The following FOXJ3 variants were observed in gnomAD, a reference collection of about 807,000 sequenced individuals.
FOXJ3 encodes forkhead box protein J3.
A neutral mutation model predicts 76.1 loss-of-function variants in FOXJ3; 22 were observed. The observed-to-expected ratio is 0.29, with a 90% CI of 0.21 to 0.41. The LOEUF is 0.41. Among genes scored for constraint, FOXJ3 ranks in the 10% least tolerant of loss-of-function variants. FOXJ3 has a pLI of 1.00. For missense variants in FOXJ3, 613 were observed against 762.1 expected, an observed-to-expected ratio of 0.80 and a Z score of 2.30; for synonymous variants, 269 against 261.2, an observed-to-expected ratio of 1.03 and a Z score of -0.29.
At chr1:42,289,307 T>G (rs1169429400) in intron 2 of FOXJ3, among the ~76,000 whole-genome samples, 1 of 152,058 alleles carries the variant, frequency 6.6e-6, no homozygotes, top group Non-Finnish European at 1.5e-5. Context: ...GCTTAAATTC[T>G]TACTCTCCCA....
chr1:42,334,086 T>A (rs975997391), intron 1 of FOXJ3: 1 of 896,548 alleles, frequency 1.1e-6, no homozygotes, highest in Non-Finnish European at 1.3e-6. Flanking sequence ...AGTAAAACCT[T>A]TGCTAACCAG....
intron 1 of FOXJ3, among the ~76,000 whole-genome samples, chr1:42,312,085 T>C (rs1302286973): frequency 1.3e-5 from 2 of 152,194 alleles, no homozygotes; most frequent in African/African-American, 4.8e-5. Context: ...GCAAGTTCAG[T>C]CTGAAGGGAT....
rs1176201564 is a variant in FOXJ3 at position 42,319,369 on chromosome 1, C to T, written c.-17-8259G>A. Among the ~76,000 whole-genome samples the T allele has an allele frequency of 2.0e-5, 3 of 152,150 alleles. No homozygotes were observed. The East Asian group carries it at 5.8e-4, about 29-fold the overall frequency. ...TTACAACATGTATAACCCTTAACAACATTATGCTAAGTGAAAGAAACCAGT... is the reference window on the plus strand; with the variant it reads ...TTACAACATGTATAACCCTTAACAATATTATGCTAAGTGAAAGAAACCAGT... On this transcript the variant is annotated intron_variant, in intron 1 of 12. Transcript: ENST00000361346.
At chr1:42,274,378 T>C (rs939267638) in intron 3 of FOXJ3, among the ~76,000 whole-genome samples, 4 of 152,176 alleles carry the variant, frequency 2.6e-5, no homozygotes, top group Admixed American at 6.5e-5. Context: ...AGTCAGCCAG[T>C]TGAGGGGAGT....
intron 4 of FOXJ3, among the ~76,000 whole-genome samples, chr1:42,261,493 AG>A (rs1427630073): frequency 1.3e-5 from 2 of 152,304 alleles, no homozygotes; most frequent in African/African-American, 2.4e-5. Flanking sequence ...ATGTACATAA[AG>A]GGTACCAAAT....
At chr1:42,227,384 A>T (rs1201636429) in intron 5 of FOXJ3, among the ~76,000 whole-genome samples, 2 of 152,268 alleles carry the variant, frequency 1.3e-5, no homozygotes, top group East Asian at 1.9e-4. Context: ...TCACTCTTGC[A>T]AATTAATTTT....
intron 11 of FOXJ3, among the ~76,000 whole-genome samples, chr1:42,183,161 A>G (rs1347398552): frequency 6.6e-6 from 1 of 150,658 alleles, no homozygotes; most frequent in Non-Finnish European, 1.5e-5. Flanking sequence ...CTGTAGTCCC[A>G]GCTACTCAGA....
At chr1:42,290,534 T>C (rs1351802379) in intron 2 of FOXJ3, among the ~76,000 whole-genome samples, 1 of 152,218 alleles carries the variant, frequency 6.6e-6, no homozygotes, top group African/African-American at 2.4e-5. Context: ...CTGCAGCTTA[T>C]ACTTACCCAG....
intron 1 of FOXJ3, among the ~76,000 whole-genome samples, chr1:42,322,454 TAAAAA>T (rs775788189): frequency 6.6e-6 from 1 of 151,736 alleles, no homozygotes; most frequent in Non-Finnish European, 1.5e-5. Flanking sequence ...TTGAAATACT[TAAAAA>T]AAAGGTATTT....
At chr1:42,244,472 G>A (rs562784029) in intron 4 of FOXJ3, among the ~76,000 whole-genome samples, 3 of 152,200 alleles carry the variant, frequency 2.0e-5, no homozygotes, top group Non-Finnish European at 2.9e-5. Context: ...AGCTAGGATC[G>A]TGTCACTTCC....
intron 11 of FOXJ3, among the ~76,000 whole-genome samples, chr1:42,186,297 T>A (rs578133440): frequency 4.6e-5 from 7 of 152,232 alleles, no homozygotes; most frequent in South Asian, 2.1e-4. Context: ...GATGAATACT[T>A]GGAGCACCAT....
chr1:42,207,797 C>T (rs1425278126), intron 5 of FOXJ3, among the ~76,000 whole-genome samples: 2 of 152,178 alleles, frequency 1.3e-5, no homozygotes, highest in Admixed American at 6.5e-5. Context: ...ACCAGAGCTA[C>T]CCCTACAAGC....
Position 42,189,454 on chromosome 1 carries a change from T to C in FOXJ3, c.1352-50A>G, listed in dbSNP as rs72952303. Reference sequence around the variant, plus strand: ...ATTCCTGGATGGTGAAAGGGTGAAGTGTGGTAAGGGAAAACGATGAGCTGC... The same window carrying C: ...ATTCCTGGATGGTGAAAGGGTGAAGCGTGGTAAGGGAAAACGATGAGCTGC... On this transcript the variant is annotated intron_variant, in intron 9 of 12. Coordinates refer to ENST00000361346, the MANE Select transcript of FOXJ3 (RefSeq NM_014947.5). 2.4e-3 allele frequency: 3,213 copies of C among 1,336,980 alleles called. 65 individuals are homozygous for C. In the African/African-American group the frequency reaches 0.041, roughly 17 times the overall value. The allele number at this position is 1,336,980 out of a possible 1,614,324, so 82.8% of individuals were successfully genotyped here.
At chr1:42,186,688 G>C (rs1002174538) in intron 11 of FOXJ3, among the ~76,000 whole-genome samples, 2 of 152,138 alleles carry the variant, frequency 1.3e-5, no homozygotes, top group South Asian at 4.1e-4. Context: ...TACTCTGACA[G>C]AGGACAGCAG....
chr1:42,188,972 A>ATTGCAT, intron 10 of FOXJ3, 44 bp from the exon 11 acceptor site: 1 of 1,247,684 alleles, frequency 8.0e-7, no homozygotes, highest in Non-Finnish European at 1.1e-6. Context: ...GTTATGCAAT[A>ATTGCAT]AACATTGCAA....
intron 2 of FOXJ3, among the ~76,000 whole-genome samples, chr1:42,288,421 A>C (rs1308493314): frequency 1.3e-5 from 2 of 152,190 alleles, no homozygotes; most frequent in Non-Finnish European, 2.9e-5. Flanking sequence ...ACCAGCCAAC[A>C]TTTACTGGAT....
intron 2 of FOXJ3, 77 bp from the exon 3 acceptor site, chr1:42,278,749 T>C: frequency 1.8e-6 from 2 of 1,089,072 alleles, no homozygotes; most frequent in Non-Finnish European, 2.7e-6. Flanking sequence ...TTCACAAATC[T>C]AGGAGTTCCA....
At chr1:42,215,181 C>T (rs973062694) in intron 5 of FOXJ3, among the ~76,000 whole-genome samples, 7 of 151,818 alleles carry the variant, frequency 4.6e-5, no homozygotes, top group Non-Finnish European at 8.8e-5. Flanking sequence ...GACTGAGTTG[C>T]TGGAATTATG....
chr1:42,288,560 T>G lies in FOXJ3; in HGVS notation c.45-9888A>C, dbSNP rs1359657208. ...TCTTGTCTTTTAGTGTTAAGTATGATGTACAGAAAATGCTAAAGAAACAGT... is the reference window on the plus strand; with the variant it reads ...TCTTGTCTTTTAGTGTTAAGTATGAGGTACAGAAAATGCTAAAGAAACAGT... On this transcript the variant is annotated intron_variant, in intron 2 of 12. Coordinates refer to ENST00000361346, the MANE Select transcript of FOXJ3 (RefSeq NM_014947.5). Among the ~76,000 whole-genome samples, 4 of 152,208 alleles carry G rather than the reference T, an allele frequency of 2.6e-5. No homozygotes were observed. In the East Asian group the frequency reaches 7.7e-4, roughly 29 times the overall value.
Sources: allele counts gnomAD v4.1 joint callset (sites outside exome capture counted in the v4.1 genomes callset), GRCh38; gene constraint gnomAD v4.1.1; transcripts MANE v1.5; gene names NCBI Gene and HGNC (gene_info 2026-07-23, HGNC 2026-07-21).